The following SCRG1 variants were observed in gnomAD, a reference collection of about 807,000 sequenced individuals.
SCRG1 encodes stimulator of chondrogenesis 1, also known as scrapie-responsive protein 1.
SCRG1 carries 3 observed loss-of-function variants against 7.7 expected under a neutral mutation model. The observed-to-expected ratio is 0.39, with a 90% CI of 0.18 to 1.01. The LOEUF is 1.01. SCRG1 is among the 50% of genes least tolerant of loss of function. SCRG1 has a pLI of 0.36. For synonymous variants in SCRG1, 46 were observed against 41.2 expected (o/e 1.12, Z -0.44); for missense variants, 110 against 117.2 (o/e 0.94, Z 0.28).
At chr4:173,429,789 A>G in the SCRG1 span, among the ~76,000 whole-genome samples, 1 of 152,158 alleles carries the variant, frequency 6.6e-6, no homozygotes, top group Admixed American at 6.5e-5. Flanking sequence ...TCCAGAAGGG[A>G]CTCCATATCC....
the SCRG1 span, among the ~76,000 whole-genome samples, chr4:173,462,430 C>A: frequency 3.3e-5 from 5 of 152,188 alleles, no homozygotes; most frequent in South Asian, 2.1e-4. Flanking sequence ...AGAAAAAAAC[C>A]CTCTTGCCCT....
chr4:173,483,117 A>G, the SCRG1 span, among the ~76,000 whole-genome samples: 1 of 77,268 alleles, frequency 1.3e-5, no homozygotes, highest in Non-Finnish European at 2.4e-5. Flanking sequence ...CATATATTTT[A>G]TATATAATGT....
chr4:173,485,055 T>TAA, the SCRG1 span, among the ~76,000 whole-genome samples: 148 of 23,594 alleles, frequency 6.3e-3, 16 homozygotes, highest in Admixed American at 0.014. Context: ...ATATAATATA[T>TAA]TATATATTAT....
At chr4:173,397,046 C>G (rs1205119156) in intron 1 of SCRG1, among the ~76,000 whole-genome samples, 2 of 151,932 alleles carry the variant, frequency 1.3e-5, no homozygotes, top group East Asian at 3.9e-4. Flanking sequence ...GAGCCAGACT[C>G]CGTCTCAAAA....
At chr4:173,422,851 G>A in the SCRG1 span, among the ~76,000 whole-genome samples, 67 of 152,180 alleles carry the variant, frequency 4.4e-4, no homozygotes, top group African/African-American at 1.6e-3. Context: ...TATAACGCTG[G>A]ACAATTAAAA....
At chr4:173,455,432 G>A in the SCRG1 span, among the ~76,000 whole-genome samples, 1 of 152,106 alleles carries the variant, frequency 6.6e-6, no homozygotes, top group Non-Finnish European at 1.5e-5. Context: ...GCAGTGAAGG[G>A]GCATCGCAGT....
chr4:173,432,779 AG>A, the SCRG1 span, among the ~76,000 whole-genome samples: 1 of 152,216 alleles, frequency 6.6e-6, no homozygotes, highest in South Asian at 2.1e-4. Flanking sequence ...TTTGCTCTGC[AG>A]GATAATTTTC....
the SCRG1 span, among the ~76,000 whole-genome samples, chr4:173,448,904 A>G: frequency 1.1e-4 from 16 of 152,368 alleles, no homozygotes; most frequent in African/African-American, 3.6e-4. Context: ...AAATCTCTAC[A>G]GGAATGGTTT....
the SCRG1 span, among the ~76,000 whole-genome samples, chr4:173,486,793 A>C: frequency 6.6e-6 from 1 of 152,300 alleles, no homozygotes; most frequent in South Asian, 2.1e-4. Flanking sequence ...AAATATTTTT[A>C]GGCTCAGACT....
At chr4:173,468,370 C>G in the SCRG1 span, 1 of 152,076 alleles carries the variant, frequency 6.6e-6, no homozygotes, top group Admixed American at 6.5e-5. Flanking sequence ...CTATACCACC[C>G]TAGGTTTGTG....
In SCRG1 at chr4:173,386,010, A is replaced by C. The variant is rs1274859472; in HGVS notation, c.*2331T>G. On this transcript the variant is annotated 3_prime_UTR_variant, in exon 3 of 3. Coordinates refer to ENST00000296506, the MANE Select transcript of SCRG1 (RefSeq NM_007281.4). ...AAGAAAGAAAGGCCAATCAAATCAC[A>C]TGCTATCTTGATAAAACAACTAATA... 1 of 152,266 alleles carries C rather than the reference A, an allele frequency of 6.6e-6. No individual in the cohort carries two copies. Among genetic ancestry groups the C allele is most frequent in the Non-Finnish European group, 1.5e-5 (1 of 68,052 alleles). 9.4% of individuals were successfully genotyped at this position (152,266 alleles called of 1,614,324 possible).
At chr4:173,427,719 G>A in the SCRG1 span, among the ~76,000 whole-genome samples, 1 of 152,168 alleles carries the variant, frequency 6.6e-6, no homozygotes, top group African/African-American at 2.4e-5. Context: ...ATAAGTAATG[G>A]CCTTTTCTTG....
the SCRG1 span, among the ~76,000 whole-genome samples, chr4:173,476,363 A>AAAATATATATATATATATATATATATAT: frequency 2.0e-5 from 2 of 98,472 alleles, no homozygotes; most frequent in African/African-American, 3.1e-5. Context: ...GGAAAAAAAA[A>AAAATATATATATATATATATATATATAT]ATATATATAT....
chr4:173,464,244 A>T, the SCRG1 span, among the ~76,000 whole-genome samples: 2 of 152,220 alleles, frequency 1.3e-5, no homozygotes, highest in Non-Finnish European at 2.9e-5. Flanking sequence ...TTCTAGAGAT[A>T]TCCCAGTTCA....
chr4:173,440,646 C>A, the SCRG1 span, among the ~76,000 whole-genome samples: 24 of 152,320 alleles, frequency 1.6e-4, no homozygotes, highest in Admixed American at 8.5e-4. Context: ...GCTCTCTACT[C>A]ATTTCCTAGG....
At chr4:173,403,866 C>T (rs913019760), upstream of SCRG1, among the ~76,000 whole-genome samples, 36 of 152,156 alleles carry the variant, frequency 2.4e-4, no homozygotes, top group Non-Finnish European at 2.2e-4. Flanking sequence ...GAAAGATTGA[C>T]TAAGTGTGTC....
the SCRG1 span, among the ~76,000 whole-genome samples, chr4:173,462,671 T>C: frequency 6.6e-6 from 1 of 152,182 alleles, no homozygotes; most frequent in East Asian, 1.9e-4. Flanking sequence ...TATAACACTG[T>C]AACTGTGGTG....
At chr4:173,514,632 A>G in the SCRG1 span, among the ~76,000 whole-genome samples, 1 of 152,174 alleles carries the variant, frequency 6.6e-6, no homozygotes, top group African/African-American at 2.4e-5. Context: ...GGAACAATCG[A>G]CCCCTTCTAC....
the SCRG1 span, among the ~76,000 whole-genome samples, chr4:173,496,679 T>C: frequency 2.6e-5 from 4 of 152,246 alleles, no homozygotes; most frequent in Admixed American, 2.6e-4. Context: ...TATCTGGCAC[T>C]GTGCAAAGCA....
Sources: allele counts gnomAD v4.1 joint callset (sites outside exome capture counted in the v4.1 genomes callset), GRCh38; gene constraint gnomAD v4.1.1; transcripts MANE v1.5; gene names NCBI Gene and HGNC (gene_info 2026-07-23, HGNC 2026-07-21).